Variants in SPAG6 observed in about 807,000 individuals in gnomAD.
The protein encoded by SPAG6 is sperm-associated antigen 6.
A neutral mutation model predicts 58.5 loss-of-function variants in SPAG6; 49 were observed. The observed-to-expected ratio is 0.84, with a 90% CI of 0.67 to 1.06. The LOEUF is 1.06. SPAG6 is among the 50% of genes least tolerant of loss of function. The pLI is 0.00. For missense variants in SPAG6, 560 were observed against 611.3 expected (o/e 0.92, Z 0.89); for synonymous variants, 233 against 225.6 (o/e 1.03, Z -0.29).
chr10:22,410,332 A>G (rs1269240554), intron 9 of SPAG6, among the ~76,000 whole-genome samples: 2 of 152,224 alleles, frequency 1.3e-5, no homozygotes, highest in East Asian at 3.8e-4. Flanking sequence ...CATATAATGG[A>G]TAATTAAAAA....
chr10:22,415,179 A>G (rs530793296), intron 10 of SPAG6, among the ~76,000 whole-genome samples: 55 of 151,988 alleles, frequency 3.6e-4, no homozygotes, highest in South Asian at 1.2e-3. Context: ...TCTAATATCA[A>G]TGATAACATC....
chr10:22,356,495 A>T (rs1456368744), intron 2 of SPAG6, among the ~76,000 whole-genome samples: 1 of 152,208 alleles, frequency 6.6e-6, no homozygotes, highest in East Asian at 1.9e-4. Context: ...AAAATCAGAA[A>T]ATCTTAGTTT....
At chr10:22,347,287 CTG>C (rs911738943) in intron 2 of SPAG6, among the ~76,000 whole-genome samples, 3 of 152,030 alleles carry the variant, frequency 2.0e-5, no homozygotes, top group Non-Finnish European at 1.5e-5. Flanking sequence ...TTTCTGTATT[CTG>C]TGTGTGTGTA....
At chr10:22,368,344 T>G in intron 3 of SPAG6, 151 bp from the exon 4 acceptor site, 1 of 578,520 alleles carries the variant, frequency 1.7e-6, no homozygotes, top group Non-Finnish European at 2.9e-6. Context: ...ATAATCAAAA[T>G]TATTTTGCAG....
At chr10:22,381,034 GTTTAGAGTAATCC>G (rs1833942323) in intron 4 of SPAG6, among the ~76,000 whole-genome samples, 1 of 152,102 alleles carries the variant, frequency 6.6e-6, no homozygotes, top group Non-Finnish European at 1.5e-5. Flanking sequence ...AGTATCATAT[GTTTAGAGTAATCC>G]TTTCTTAAGA....
intron 4 of SPAG6, among the ~76,000 whole-genome samples, 177 bp from the exon 5 acceptor site, chr10:22,386,577 C>A (rs932922351): frequency 6.6e-6 from 1 of 151,986 alleles, no homozygotes; most frequent in Non-Finnish European, 1.5e-5. Flanking sequence ...GTATTCTTTT[C>A]AGCTCAGGAT....
rs1225076520 is a variant in SPAG6, at chr10:22,389,199, G to A, written c.892G>A (p.Val298Met). 1.1e-5 allele frequency: 18 copies of A among 1,613,302 alleles called. No homozygotes were observed. Among genetic ancestry groups the A allele is most frequent in the African/African-American group, 4.0e-5 (3 of 74,842 alleles). Residue 298 changes from valine (V) to methionine (M), a missense_variant, in exon 7 of 11, where the codon GTG becomes ATG. Physicochemically the swap from Val to Met is conservative, Grantham distance 21. Coordinates refer to ENST00000376624, the MANE Select transcript of SPAG6 (RefSeq NM_012443.4). ...AGTTAACGCAGGAGGGGTTGCTGCC[G>A]TGATTGACTGCATTGGGTCCTGCAA... ...LVVNAGGVAA[V>M]IDCIGSCKGN...
intron 8 of SPAG6, among the ~76,000 whole-genome samples, chr10:22,396,039 A>G (rs920565162): frequency 3.7e-4 from 56 of 152,334 alleles, no homozygotes; most frequent in Admixed American, 4.6e-4. Flanking sequence ...GGGAAGCCTC[A>G]TGAAACTTAC....
intron 2 of SPAG6, among the ~76,000 whole-genome samples, chr10:22,349,202 A>T (rs995708720): frequency 7.9e-5 from 12 of 151,512 alleles, no homozygotes; most frequent in Non-Finnish European, 2.9e-5. Context: ...TGTACAAAGC[A>T]TCTATAACCT....
chr10:22,378,299 G>C (rs1276610225), intron 4 of SPAG6, among the ~76,000 whole-genome samples: 2 of 151,710 alleles, frequency 1.3e-5, no homozygotes, highest in Admixed American at 1.3e-4. Flanking sequence ...CCTGACCTTA[G>C]GTGATCTGCC....
intron 10 of SPAG6, 115 bp from the exon 11 acceptor site, chr10:22,416,504 G>A (rs921211139): frequency 4.7e-6 from 3 of 633,750 alleles, no homozygotes; most frequent in African/African-American, 3.6e-5. Context: ...ATTATTCAGA[G>A]TGTATTTGAG....
chr10:22,360,066 A>G (rs1039621129), intron 2 of SPAG6, among the ~76,000 whole-genome samples: 1 of 152,192 alleles, frequency 6.6e-6, no homozygotes, highest in African/African-American at 2.4e-5. Context: ...CATGCAAAAT[A>G]AAATAATTTG....
intron 2 of SPAG6, among the ~76,000 whole-genome samples, chr10:22,359,044 A>G (rs2132039946): frequency 6.6e-6 from 1 of 152,298 alleles, no homozygotes. Flanking sequence ...CTCTAGATTC[A>G]TGCTTTTTAC....
intron 2 of SPAG6, among the ~76,000 whole-genome samples, chr10:22,349,427 A>C (rs1836657272): frequency 6.6e-6 from 1 of 152,218 alleles, no homozygotes; most frequent in South Asian, 2.1e-4. Flanking sequence ...AGTAGAGATA[A>C]TACATTGTTA....
In SPAG6 at chr10:22,364,836, T is replaced by C; in HGVS notation, c.122-17T>C. On this transcript the variant is annotated splice_polypyrimidine_tract_variant and intron_variant, in intron 2 of 10. Transcript: ENST00000376624. The stretch of plus-strand genomic sequence containing the variant: ...TTTAAATTTTCCTGATTTCTGTTCT[T>C]TCATAATTTAACTCAGGTGTAATGT... The C allele has an allele frequency of 6.3e-7, 1 of 1,585,224 alleles. No homozygotes were observed. The highest frequency in any genetic ancestry group is 1.4e-5 in the African/African-American group (1 of 73,760).
chr10:22,393,247 T>C (rs1165704567), intron 8 of SPAG6, among the ~76,000 whole-genome samples: 1 of 152,104 alleles, frequency 6.6e-6, no homozygotes, highest in African/African-American at 2.4e-5. Context: ...TCCTCCTCCT[T>C]TCCTTCTCCT....
chr10:22,345,670 T>C lies in SPAG6; in HGVS notation c.25+34T>C. 1 of 1,573,560 alleles carries C rather than the reference T, an allele frequency of 6.4e-7. No homozygotes were observed. The highest frequency in any genetic ancestry group is 1.2e-5 in the South Asian group (1 of 86,330). ...GAGGCGGGCAGGTGCCCTAACTAGC[T>C]GGCGCCGAGGAGACCCGGGTGCGGT... On this transcript the variant is annotated intron_variant, in intron 1 of 10. Transcript: ENST00000376624. The surrounding 1 kb of genome is among the most constrained non-coding windows in gnomAD (Gnocchi z 6.3).
chr10:22,377,650 A>G (rs1166059469), intron 4 of SPAG6, among the ~76,000 whole-genome samples: 26 of 152,264 alleles, frequency 1.7e-4, no homozygotes, highest in East Asian at 1.9e-4. Context: ...GTGGAAACCC[A>G]TGAGGGTGTG....
At chr10:22,378,773 T>A (rs1214947921) in intron 4 of SPAG6, among the ~76,000 whole-genome samples, 5 of 152,170 alleles carry the variant, frequency 3.3e-5, no homozygotes, top group Non-Finnish European at 1.5e-5. Context: ...CTCACTTTCC[T>A]TTTGTCTGGT....
Sources: allele counts gnomAD v4.1 joint callset (sites outside exome capture counted in the v4.1 genomes callset), GRCh38; gene constraint gnomAD v4.1.1; non-coding constraint Gnocchi (gnomAD v3.1); transcripts MANE v1.5; gene names NCBI Gene and HGNC (gene_info 2026-07-23, HGNC 2026-07-21).